TAFA2: variants seen among roughly 807,000 people sequenced by gnomAD.
TAFA2 encodes TAFA chemokine like family member 2.
Under a neutral mutation model 18.8 loss-of-function variants are expected in TAFA2, and 7 were observed. The ratio of observed to expected loss-of-function variants is 0.37; its 90% CI spans 0.21 to 0.70. The LOEUF (loss-of-function observed/expected upper bound fraction) is 0.70. TAFA2 is among the 30% of genes least tolerant of loss of function. TAFA2 has a pLI of 0.53. For synonymous variants in TAFA2, 60 were observed against 54.2 expected, an observed-to-expected ratio of 1.11 and a Z score of -0.47; for missense variants, 122 against 158.1, an observed-to-expected ratio of 0.77 and a Z score of 1.23.
chr12:61,864,772 C>CAAAAA (rs34286549), intron 2 of TAFA2, among the ~76,000 whole-genome samples: 3 of 78,376 alleles, frequency 3.8e-5, no homozygotes, highest in African/African-American at 1.5e-4. Flanking sequence ...GACTCCGTCT[C>CAAAAA]AAAAAAAAAA....
intron 2 of TAFA2, among the ~76,000 whole-genome samples, chr12:61,788,058 G>A (rs555982796): frequency 6.6e-6 from 1 of 151,636 alleles, no homozygotes; most frequent in South Asian, 2.1e-4. Flanking sequence ...AACTATAGTT[G>A]CAGCAGATAA....
At chr12:61,763,719 C>T (rs144664043) in intron 2 of TAFA2, among the ~76,000 whole-genome samples, 2 of 151,784 alleles carry the variant, frequency 1.3e-5, no homozygotes, top group African/African-American at 2.4e-5. Flanking sequence ...CAGAAAGCTT[C>T]GCGCATGCCT....
intron 1 of TAFA2, among the ~76,000 whole-genome samples, chr12:62,203,908 TG>T (rs2062681807): frequency 6.6e-6 from 1 of 152,216 alleles, no homozygotes. Flanking sequence ...GCAGACTTGT[TG>T]ATGTAGTTGC....
intron 1 of TAFA2, among the ~76,000 whole-genome samples, chr12:62,055,255 C>G (rs534403781): frequency 6.6e-6 from 1 of 152,278 alleles, no homozygotes; most frequent in South Asian, 2.1e-4. Flanking sequence ...CCTTTATAAA[C>G]AACACGGTCA....
chr12:61,738,218 C>T (rs1868338652), intron 4 of TAFA2, among the ~76,000 whole-genome samples: 1 of 151,528 alleles, frequency 6.6e-6, no homozygotes. Flanking sequence ...CCTGCTGCAA[C>T]AACCACTCCA....
chr12:61,774,379 T>G (rs774448443), intron 2 of TAFA2, among the ~76,000 whole-genome samples: 1 of 151,936 alleles, frequency 6.6e-6, no homozygotes, highest in African/African-American at 2.4e-5. Context: ...TGCACATGCA[T>G]GTTTATAGCA....
intron 1 of TAFA2, among the ~76,000 whole-genome samples, chr12:61,873,842 G>A (rs1449516548): frequency 6.6e-6 from 1 of 152,028 alleles, no homozygotes; most frequent in East Asian, 1.9e-4. Context: ...TCTTTGAGGT[G>A]GATGGTGCCA....
chr12:61,885,560 C>G (rs1875337161), intron 1 of TAFA2, among the ~76,000 whole-genome samples: 2 of 152,256 alleles, frequency 1.3e-5, no homozygotes, highest in South Asian at 4.1e-4. Flanking sequence ...AATTTGTGGA[C>G]CATCTGGGGA....
intron 1 of TAFA2, among the ~76,000 whole-genome samples, chr12:61,913,694 A>G (rs1231845559): frequency 6.6e-6 from 1 of 152,172 alleles, no homozygotes; most frequent in East Asian, 1.9e-4. Flanking sequence ...TGGTAATTTA[A>G]TTACTGAGAA....
At chr12:61,962,821 A>T (rs1276678868) in intron 1 of TAFA2, among the ~76,000 whole-genome samples, 1 of 151,956 alleles carries the variant, frequency 6.6e-6, no homozygotes, top group South Asian at 2.1e-4. Context: ...ACATAGACAT[A>T]CACATGCCAT....
chr12:61,891,422 G>A (rs890302228), intron 1 of TAFA2, among the ~76,000 whole-genome samples: 7 of 152,100 alleles, frequency 4.6e-5, no homozygotes, highest in East Asian at 3.9e-4. Context: ...CGAGGTGGGC[G>A]GATCCCCTGA....
intron 1 of TAFA2, among the ~76,000 whole-genome samples, chr12:62,005,826 T>C (rs1462975273): frequency 1.3e-5 from 2 of 152,144 alleles, no homozygotes; most frequent in Non-Finnish European, 2.9e-5. Flanking sequence ...TAGTAAGTGA[T>C]GCAACTCAAG....
intron 2 of TAFA2, among the ~76,000 whole-genome samples, chr12:61,793,646 T>G (rs1871075022): frequency 6.6e-6 from 1 of 151,814 alleles, no homozygotes; most frequent in South Asian, 2.1e-4. Flanking sequence ...TTGGCTTTAT[T>G]TGCTAATTCT....
In TAFA2 at chr12:61,824,285, G is replaced by A. The variant is rs1370113657; in HGVS notation, c.106+43035C>T. ...CAACATGTGAGTTGCAGACTGGTAA[G>A]ACCCTGAAGCATTGAATCCAGCAAT... On this transcript the variant is annotated intron_variant, in intron 2 of 4. Transcript: ENST00000416284. Among the ~76,000 whole-genome samples the A allele has an allele frequency of 2.6e-5, 4 of 152,134 alleles. No homozygotes were observed. In the East Asian group the frequency reaches 7.7e-4, roughly 29 times the overall value.
At chr12:61,854,594 A>T (rs1017344972) in intron 2 of TAFA2, among the ~76,000 whole-genome samples, 3 of 151,972 alleles carry the variant, frequency 2.0e-5, no homozygotes, top group Admixed American at 6.6e-5. Flanking sequence ...GAGGAGGGAA[A>T]AAGGTCACAA....
At chr12:61,858,870 G>A (rs4511327) in intron 2 of TAFA2, among the ~76,000 whole-genome samples, 43,813 of 151,964 alleles carry the variant, frequency 0.29, 6,914 homozygotes, top group South Asian at 0.4. Context: ...CATCAACAGT[G>A]AAAGAGATAA....
intron 1 of TAFA2, among the ~76,000 whole-genome samples, chr12:62,127,646 G>T (rs1194867445): frequency 6.6e-6 from 1 of 151,966 alleles, no homozygotes; most frequent in Admixed American, 6.6e-5. Context: ...AGACCATGAA[G>T]GTCTTAAACA....
chr12:62,190,785 G>A (rs2062617722), intron 1 of TAFA2, among the ~76,000 whole-genome samples: 1 of 151,980 alleles, frequency 6.6e-6, no homozygotes, highest in Non-Finnish European at 1.5e-5. Flanking sequence ...AATCAGAAGT[G>A]GACAAAAAGT....
chr12:61,972,785 A>G (rs1450317152), intron 1 of TAFA2, among the ~76,000 whole-genome samples: 1 of 151,524 alleles, frequency 6.6e-6, no homozygotes, highest in Non-Finnish European at 1.5e-5. Flanking sequence ...ATGATCTGCT[A>G]AGGGAAAAGA....
Sources: allele counts gnomAD v4.1 joint callset (sites outside exome capture counted in the v4.1 genomes callset), GRCh38; gene constraint gnomAD v4.1.1; transcripts MANE v1.5; gene names NCBI Gene and HGNC (gene_info 2026-07-23, HGNC 2026-07-21).